The following CEP85L variants were observed in gnomAD, a reference collection of about 807,000 sequenced individuals.
The protein encoded by CEP85L is centrosomal protein 85L, also known as centrosomal protein of 85 kDa-like.
In CEP85L, 60 loss-of-function variants were observed where a neutral mutation model predicts 100.3. That is an observed-to-expected ratio of 0.60 (90% CI 0.49 to 0.74). The LOEUF (loss-of-function observed/expected upper bound fraction) is 0.74. Ranked by LOEUF, CEP85L falls within the 30% of genes least tolerant of loss-of-function variation. CEP85L has a pLI of 0.00. For missense variants in CEP85L, 973 were observed against 936.2 expected (o/e 1.04, Z -0.51); for synonymous variants, 319 against 322.7 (o/e 0.99, Z 0.12).
At chr6:118,647,588 C>G (rs369312875) in intron 1 of CEP85L, among the ~76,000 whole-genome samples, 26 of 152,312 alleles carry the variant, frequency 1.7e-4, no homozygotes, top group African/African-American at 6.0e-4. Context: ...TTTGTAACTC[C>G]TGACCTCAAG....
upstream of CEP85L, among the ~76,000 whole-genome samples, chr6:118,653,862 G>T (rs1037765304): frequency 6.6e-6 from 1 of 151,488 alleles, no homozygotes; most frequent in Non-Finnish European, 1.5e-5. Flanking sequence ...CACAAAAGAA[G>T]AAAATAGTAC....
chr6:118,569,519 C>CT (rs1022670649), intron 2 of CEP85L, among the ~76,000 whole-genome samples: 4 of 150,794 alleles, frequency 2.7e-5, no homozygotes, highest in African/African-American at 7.3e-5. Flanking sequence ...AACATACAGC[C>CT]TTTTTAGATT....
At chr6:118,680,091 G>A (rs1352326595) in intron 1 of CEP85L, among the ~76,000 whole-genome samples, 1 of 151,512 alleles carries the variant, frequency 6.6e-6, no homozygotes, top group South Asian at 2.1e-4. Flanking sequence ...TTTGAGACCA[G>A]CCTGGGCAAC....
At chr6:118,526,496 G>A (rs562392951) in intron 3 of CEP85L, among the ~76,000 whole-genome samples, 2 of 152,246 alleles carry the variant, frequency 1.3e-5, no homozygotes, top group African/African-American at 4.8e-5. Context: ...ATACTTAATT[G>A]GCAGAGCTAA....
chr6:118,665,188 T>C (rs937480538), intron 1 of CEP85L, among the ~76,000 whole-genome samples: 15 of 152,118 alleles, frequency 9.9e-5, no homozygotes, highest in African/African-American at 3.1e-4. Context: ...TGGGAACCTG[T>C]ATGCTCCACT....
At chr6:118,645,877 C>T (rs1041866255) in intron 1 of CEP85L, among the ~76,000 whole-genome samples, 1 of 152,070 alleles carries the variant, frequency 6.6e-6, no homozygotes, top group African/African-American at 2.4e-5. Flanking sequence ...TGCTAGGTAA[C>T]CATTTTTTTT....
chr6:118,641,604 ATGCAT>A (rs1774878738), intron 1 of CEP85L, among the ~76,000 whole-genome samples: 1 of 152,144 alleles, frequency 6.6e-6, no homozygotes, highest in Non-Finnish European at 1.5e-5. Flanking sequence ...TCGTATGGGT[ATGCAT>A]TGCAGTTCAT....
intron 5 of CEP85L, among the ~76,000 whole-genome samples, chr6:118,510,837 A>C (rs1775923730): frequency 1.3e-5 from 2 of 152,210 alleles, no homozygotes. Context: ...GGGCAGGTAG[A>C]ATAAATTATG....
chr6:118,666,720 T>G (rs1449910737), intron 1 of CEP85L, among the ~76,000 whole-genome samples: 1 of 151,578 alleles, frequency 6.6e-6, no homozygotes, highest in African/African-American at 2.4e-5. Context: ...ATTCTTTCAG[T>G]GGCTGAAAAT....
intron 2 of CEP85L, among the ~76,000 whole-genome samples, chr6:118,590,026 A>AT (rs549983119): frequency 6.6e-6 from 1 of 151,466 alleles, no homozygotes; most frequent in Non-Finnish European, 1.5e-5. Flanking sequence ...GGTGTTTCAG[A>AT]TTTTTTTTCT....
intron 1 of CEP85L, among the ~76,000 whole-genome samples, chr6:118,704,224 GT>G (rs1320103412): frequency 1.3e-5 from 2 of 152,168 alleles, no homozygotes; most frequent in African/African-American, 4.8e-5. Context: ...GAAATTAGAA[GT>G]TTTCTTGACT....
rs117688956 is a variant in CEP85L at position 118,596,346 on chromosome 6, G to C, written c.233-30030C>G. Among the ~76,000 whole-genome samples the C allele has an allele frequency of 1.9e-3, 289 of 152,204 alleles. 5 individuals carry two copies. Among genetic ancestry groups the C allele is most frequent in the East Asian group, 9.3e-3 (48 of 5,188 alleles). ...CAATATTCAGTAATCTTCCACAGTG[G>C]TTATTTTCCTGAGTGCTTTACAATA... On this transcript the variant is annotated intron_variant, in intron 2 of 12. Transcript: ENST00000368491.
chr6:118,626,905 TA>T (rs1298409613), intron 2 of CEP85L, among the ~76,000 whole-genome samples: 1 of 151,892 alleles, frequency 6.6e-6, no homozygotes, highest in Non-Finnish European at 1.5e-5. Flanking sequence ...AACTCAACAG[TA>T]AAGAAGAAAA....
At chr6:118,550,513 G>A (rs765116767) in intron 3 of CEP85L, among the ~76,000 whole-genome samples, 65 of 151,604 alleles carry the variant, frequency 4.3e-4, no homozygotes, top group Admixed American at 1.8e-3. Context: ...TAATATACTC[G>A]TGTACACAAA....
At chr6:118,669,857 T>C (rs1776241451) in intron 1 of CEP85L, among the ~76,000 whole-genome samples, 1 of 151,152 alleles carries the variant, frequency 6.6e-6, no homozygotes, top group South Asian at 2.1e-4. Context: ...TTCAATGTGG[T>C]AGAGCGCTGA....
intron 2 of CEP85L, among the ~76,000 whole-genome samples, chr6:118,601,566 A>T (rs1270862713): frequency 6.6e-6 from 1 of 152,190 alleles, no homozygotes; most frequent in Non-Finnish European, 1.5e-5. Context: ...TATTTATTTG[A>T]GCTTTTTCTT....
intron 2 of CEP85L, among the ~76,000 whole-genome samples, chr6:118,590,140 C>T (rs1319606062): frequency 6.6e-6 from 1 of 152,026 alleles, no homozygotes; most frequent in African/African-American, 2.4e-5. Context: ...CTGGTCAAGC[C>T]CCCCTCACTC....
chr6:118,480,516 A>C lies in CEP85L; in HGVS notation c.1746-3T>G. ...ATCTTTCTACTTTTTGTTGCAAACT[A>C]TTTCAAAAGACAATTATATGAAGAA... On this transcript the variant is annotated splice_region_variant and splice_polypyrimidine_tract_variant and intron_variant, in intron 8 of 12. Transcript: ENST00000368491. 1 of 1,559,914 alleles carries C rather than the reference A, an allele frequency of 6.4e-7. No individual in the cohort carries two copies. The highest frequency in any genetic ancestry group is 8.8e-7 in the Non-Finnish European group (1 of 1,134,412).
At chr6:118,687,963 C>G (rs1479843634) in intron 1 of CEP85L, among the ~76,000 whole-genome samples, 1 of 152,170 alleles carries the variant, frequency 6.6e-6, no homozygotes, top group African/African-American at 2.4e-5. Context: ...CTTCCATGAC[C>G]TGCGGCTTCT....
Sources: allele counts gnomAD v4.1 joint callset (sites outside exome capture counted in the v4.1 genomes callset), GRCh38; gene constraint gnomAD v4.1.1; transcripts MANE v1.5; gene names NCBI Gene and HGNC (gene_info 2026-07-23, HGNC 2026-07-21).